HDAC9: variants seen among roughly 807,000 people sequenced by gnomAD.
HDAC9 encodes histone deacetylase 9, also known as MEF-2 interacting transcription repressor (MITR) protein.
A neutral mutation model predicts 139.4 loss-of-function variants in HDAC9; 41 were observed. The ratio of observed to expected loss-of-function variants is 0.29; its 90% CI spans 0.23 to 0.38. The LOEUF (loss-of-function observed/expected upper bound fraction) is 0.38, where lower values mean the gene tolerates loss of function less well. Among genes scored for constraint, HDAC9 ranks in the 10% least tolerant of loss-of-function variants. The probability of loss-of-function intolerance (pLI) is 1.00; values close to 1 mark genes in which losing one functional copy is unlikely to be tolerated. For missense variants in HDAC9, 1,147 were observed against 1,297.0 expected (o/e 0.88, Z 1.78); for synonymous variants, 517 against 476.2 (o/e 1.09, Z -1.12).
chr7:18,996,146 T>C lies in HDAC9; in HGVS notation c.*84T>C, dbSNP rs1173897490. 5.0e-6 allele frequency: 5 copies of C among 1,004,198 alleles called. No homozygotes were observed. The African/African-American group carries it at 8.0e-5, about 16-fold the overall frequency. 62.2% of individuals were successfully genotyped at this position (1,004,198 alleles called of 1,614,324 possible). On this transcript the variant is annotated 3_prime_UTR_variant, in exon 26 of 26. Transcript: ENST00000686413. Reference sequence around the variant, plus strand: ...CCAGTACCCTCAGACATGTCTTGTCTGCTGCCTGGGTGGCACAGATTCAAT... The same window carrying C: ...CCAGTACCCTCAGACATGTCTTGTCCGCTGCCTGGGTGGCACAGATTCAAT...
intron 2 of HDAC9, among the ~76,000 whole-genome samples, chr7:18,275,581 C>T (rs1460538461): frequency 6.6e-6 from 1 of 152,192 alleles, no homozygotes; most frequent in African/African-American, 2.4e-5. Context: ...TAACTCTCCC[C>T]TTCGTTGAAT....
intron 2 of HDAC9, among the ~76,000 whole-genome samples, chr7:18,552,439 TA>T (rs377284748): frequency 2.0e-3 from 302 of 147,634 alleles, no homozygotes; most frequent in African/African-American, 6.4e-3. Context: ...GCAACAAAGT[TA>T]AAAAAAAAAG....
At chr7:18,820,487 A>G (rs970779863) in intron 17 of HDAC9, among the ~76,000 whole-genome samples, 90 of 152,176 alleles carry the variant, frequency 5.9e-4, no homozygotes, top group Non-Finnish European at 2.4e-4. Context: ...AAAGCACAAA[A>G]TATTTTATGT....
intron 1 of HDAC9, among the ~76,000 whole-genome samples, chr7:18,115,220 G>A (rs1415695108): frequency 6.6e-6 from 1 of 151,882 alleles, no homozygotes; most frequent in Non-Finnish European, 1.5e-5. Context: ...ATGAACCCGG[G>A]AGGCAGAGCT....
chr7:18,385,347 A>G (rs937855059), intron 1 of HDAC9, among the ~76,000 whole-genome samples: 3 of 152,146 alleles, frequency 2.0e-5, no homozygotes, highest in African/African-American at 4.8e-5. Context: ...AAATCATATC[A>G]TTTTCCTTTG....
chr7:18,395,305 A>C (rs1262237031), intron 1 of HDAC9: 1 of 152,108 alleles, frequency 6.6e-6, no homozygotes, highest in African/African-American at 2.4e-5. Context: ...ACTCAACTTG[A>C]CTAGGTAATT....
At chr7:18,507,165 ATTACAT>A (rs1348879090) in intron 2 of HDAC9, among the ~76,000 whole-genome samples, 2 of 120,508 alleles carry the variant, frequency 1.7e-5, no homozygotes, top group Non-Finnish European at 1.7e-5. Context: ...CCAAATATTC[ATTACAT>A]ATTATTATTA....
In HDAC9 at chr7:18,744,055, T is replaced by C. The variant is rs1379015324; in HGVS notation, c.1910-4950T>C. Among the ~76,000 whole-genome samples, 2 of 150,218 alleles carry C rather than the reference T, an allele frequency of 1.3e-5. 1 individual carries two copies. ...TTTTGAGATGGAGTTTCGCTCTTGT[T>C]ACCCAGGCTGGAGTGCAACAGCACT... On this transcript the variant is annotated intron_variant, in intron 13 of 25. Transcript: ENST00000686413.
intron 2 of HDAC9, among the ~76,000 whole-genome samples, chr7:18,242,301 C>A (rs909367206): frequency 2.0e-5 from 3 of 152,156 alleles, no homozygotes; most frequent in African/African-American, 4.8e-5. Context: ...ATTATATTTT[C>A]TTTTCATTAA....
chr7:18,612,118 C>A (rs983931596), intron 6 of HDAC9, among the ~76,000 whole-genome samples: 32 of 151,988 alleles, frequency 2.1e-4, no homozygotes, highest in African/African-American at 1.4e-4. Flanking sequence ...TTTTTCAAAT[C>A]TCCTGTATTT....
At chr7:18,569,488 A>G (rs1405019299) in intron 2 of HDAC9, among the ~76,000 whole-genome samples, 1 of 152,202 alleles carries the variant, frequency 6.6e-6, no homozygotes, top group South Asian at 2.1e-4. Flanking sequence ...TTGATTGTAC[A>G]AAGAGGTATG....
chr7:18,411,385 C>CT (rs1484132653), intron 1 of HDAC9, among the ~76,000 whole-genome samples: 5 of 151,994 alleles, frequency 3.3e-5, no homozygotes, highest in African/African-American at 4.8e-5. Context: ...GACTTCTTTT[C>CT]TTTTTTTGAG....
chr7:18,438,059 GTATATA>G (rs911244029), intron 1 of HDAC9, among the ~76,000 whole-genome samples: 1 of 150,052 alleles, frequency 6.7e-6, no homozygotes, highest in African/African-American at 2.4e-5. Context: ...ATATAAAGTG[GTATATA>G]TATAAAGTTT....
rs201241912 is a variant in HDAC9, at chr7:18,749,094, A to G, written c.1999A>G (p.Ile667Val). The G allele has an allele frequency of 2.5e-6, 4 of 1,613,854 alleles. No homozygotes were observed. In the African/African-American group the frequency reaches 5.3e-5, roughly 22 times the overall value. The part of the protein sequence containing the change: ...HPEHAGRIQS[I>V]WSRLQETGLL... ...TGAGCATGCTGGACGAATACAGAGT[A>G]TCTGGTCACGACTGCAAGAAACTGG... The change falls in exon 14 of 26, where the codon ATC becomes GTC. Residue 667 changes from isoleucine (I) to valine (V), a missense_variant. Transcript: ENST00000686413.
chr7:18,753,750 C>G (rs965373672), intron 14 of HDAC9, among the ~76,000 whole-genome samples: 7 of 151,990 alleles, frequency 4.6e-5, no homozygotes, highest in African/African-American at 1.7e-4. Context: ...TAGATTCGAC[C>G]TTAGTTTTGC....
intron 22 of HDAC9, among the ~76,000 whole-genome samples, chr7:18,909,093 G>C (rs953860756): frequency 6.6e-6 from 1 of 151,972 alleles, no homozygotes; most frequent in Non-Finnish European, 1.5e-5. Flanking sequence ...CATTCTAACC[G>C]GGGTGAAGCA....
chr7:18,408,430 T>C (rs1454762526), intron 1 of HDAC9, among the ~76,000 whole-genome samples: 1 of 152,198 alleles, frequency 6.6e-6, no homozygotes, highest in Non-Finnish European at 1.5e-5. Flanking sequence ...ATAATAATAA[T>C]TCTACTAGCT....
intron 1 of HDAC9, among the ~76,000 whole-genome samples, chr7:18,308,201 G>C (rs919742240): frequency 6.6e-6 from 1 of 152,126 alleles, no homozygotes; most frequent in African/African-American, 2.4e-5. Context: ...TCCAATTTAC[G>C]AAGTTGGTTT....
At position 18,250,089 on chromosome 7, in the gene HDAC9, A is replaced by G. The variant is rs540094110; in HGVS notation, c.25+87740A>G. ...AATGGGATCAGTGGTGGACTATTGA[A>G]ATAGGAAGGAAAACCATACCTTATT... On this transcript the variant is annotated intron_variant, in intron 2 of 12. Coordinates refer to the HDAC9 transcript ENST00000417496. 3.9e-5 allele frequency among the ~76,000 whole-genome samples: 6 copies of G among 152,330 alleles called. No individual in the cohort carries two copies. In the South Asian group the frequency reaches 1.0e-3, roughly 26 times the overall value.
Sources: allele counts gnomAD v4.1 joint callset (sites outside exome capture counted in the v4.1 genomes callset), GRCh38; gene constraint gnomAD v4.1.1; transcripts MANE v1.5; gene names NCBI Gene and HGNC (gene_info 2026-07-23, HGNC 2026-07-21).